SOX5: variants seen among roughly 807,000 people sequenced by gnomAD.
SOX5 encodes transcription factor SOX-5.
Under a neutral mutation model 92.0 loss-of-function variants are expected in SOX5, and 9 were observed. The observed-to-expected ratio is 0.10, with a 90% confidence interval of 0.06 to 0.17. The LOEUF is 0.17. Ranked by LOEUF, SOX5 falls within the 10% of genes least tolerant of loss-of-function variation. SOX5 has a pLI of 1.00. For missense variants in SOX5, 642 were observed against 944.5 expected (o/e 0.68, Z 4.20); for synonymous variants, 344 against 336.3 (o/e 1.02, Z -0.25).
intron 4 of SOX5, among the ~76,000 whole-genome samples, chr12:23,973,335 T>A (rs1002658116): frequency 1.3e-5 from 2 of 151,846 alleles, no homozygotes; most frequent in Non-Finnish European, 2.9e-5. Flanking sequence ...TAATTTTTTG[T>A]ATTTTTATAA....
At chr12:24,424,492 C>G (rs1324874178) in intron 1 of SOX5, among the ~76,000 whole-genome samples, 3 of 151,392 alleles carry the variant, frequency 2.0e-5, no homozygotes. Context: ...AAGCACTTTT[C>G]CCCCGCAGGC....
At chr12:23,948,871 A>G (rs1945055836) in intron 1 of SOX5, among the ~76,000 whole-genome samples, 1 of 152,200 alleles carries the variant, frequency 6.6e-6, no homozygotes, top group African/African-American at 2.4e-5. Flanking sequence ...ATCATAGCAA[A>G]AGGGGAAAAT....
chr12:24,435,733 T>G lies in SOX5; in HGVS notation c.-250-67094A>C, dbSNP rs745792769. On this transcript the variant is annotated intron_variant, in intron 1 of 4. Transcript: ENST00000446891. The stretch of plus-strand genomic sequence containing the variant: ...TATAGCTCATTTTATTGCATTTCAC[T>G]TTATTGCACTTCACAGATACTGTGG... 2.7e-4 allele frequency among the ~76,000 whole-genome samples: 41 copies of G among 152,024 alleles called. 1 individual carries two copies. Among genetic ancestry groups the G allele is most frequent in the Non-Finnish European group, 5.0e-4 (34 of 67,962 alleles).
intron 9 of SOX5, among the ~76,000 whole-genome samples, chr12:23,583,132 A>C (rs1950266870): frequency 6.6e-6 from 1 of 152,204 alleles, no homozygotes; most frequent in Non-Finnish European, 1.5e-5. Context: ...ATTAATCCAA[A>C]TAGTGCCACA....
At chr12:23,638,024 G>A (rs2079510157) in intron 8 of SOX5, 1 of 151,962 alleles carries the variant, frequency 6.6e-6, no homozygotes, top group Admixed American at 6.6e-5. Context: ...AAAGGCAGGT[G>A]TCATGTTACC....
intron 3 of SOX5, among the ~76,000 whole-genome samples, chr12:24,216,278 T>C (rs780751459): frequency 1.4e-4 from 21 of 150,118 alleles, no homozygotes; most frequent in Non-Finnish European, 2.8e-4. Flanking sequence ...GGTCAGGAGA[T>C]CAAGACCATC....
intron 4 of SOX5, among the ~76,000 whole-genome samples, chr12:23,964,907 T>G (rs896315356): frequency 1.3e-5 from 2 of 152,240 alleles, no homozygotes; most frequent in Non-Finnish European, 2.9e-5. Flanking sequence ...GTTGATGGGC[T>G]AGGCTTGCTT....
intron 3 of SOX5, among the ~76,000 whole-genome samples, chr12:23,795,086 T>C (rs1408261631): frequency 1.3e-5 from 2 of 152,144 alleles, no homozygotes; most frequent in Non-Finnish European, 1.5e-5. Context: ...AGGATTCATG[T>C]TGCAGTATCT....
intron 1 of SOX5, among the ~76,000 whole-genome samples, chr12:23,934,293 T>C (rs937745107): frequency 6.6e-6 from 1 of 151,154 alleles, no homozygotes; most frequent in Admixed American, 6.6e-5. Context: ...TTCCCAGCTA[T>C]GGTTTTAGTT....
At chr12:24,117,306 A>G (rs1948120373) in intron 4 of SOX5, among the ~76,000 whole-genome samples, 1 of 152,196 alleles carries the variant, frequency 6.6e-6, no homozygotes, top group Non-Finnish European at 1.5e-5. Context: ...TATAATACAA[A>G]TGGTAAGTGT....
At chr12:24,055,808 G>A (rs1038110411) in intron 4 of SOX5, among the ~76,000 whole-genome samples, 1 of 152,150 alleles carries the variant, frequency 6.6e-6, no homozygotes, top group African/African-American at 2.4e-5. Flanking sequence ...TGACACCTAG[G>A]AGTTACCATG....
At chr12:24,087,161 T>C (rs1232769635) in intron 4 of SOX5, among the ~76,000 whole-genome samples, 1 of 152,066 alleles carries the variant, frequency 6.6e-6, no homozygotes, top group African/African-American at 2.4e-5. Context: ...GTGTGTGTTC[T>C]CTGTCTCTCT....
chr12:23,691,457 T>C (rs1445696982), intron 6 of SOX5, among the ~76,000 whole-genome samples: 3 of 152,170 alleles, frequency 2.0e-5, no homozygotes, highest in African/African-American at 7.2e-5. Flanking sequence ...CAATCTATTC[T>C]TCAAATATCT....
chr12:23,545,377 T>G (rs1476884635), intron 12 of SOX5, among the ~76,000 whole-genome samples: 1 of 152,200 alleles, frequency 6.6e-6, no homozygotes, highest in Non-Finnish European at 1.5e-5. Flanking sequence ...CAGGGTATTG[T>G]ATAAGAAGAA....
chr12:24,117,968 C>T (rs1487410510), intron 4 of SOX5, among the ~76,000 whole-genome samples: 11 of 141,852 alleles, frequency 7.8e-5, no homozygotes, highest in Non-Finnish European at 1.3e-4. Context: ...GCAGTAAGCC[C>T]AGATGGTGCC....
chr12:23,797,843 A>C (rs547127809), intron 3 of SOX5, among the ~76,000 whole-genome samples: 5 of 152,138 alleles, frequency 3.3e-5, no homozygotes, highest in African/African-American at 1.2e-4. Flanking sequence ...CTCTCAACTT[A>C]CTACCTCCTA....
chr12:23,669,703 A>C (rs2084434886), intron 6 of SOX5, among the ~76,000 whole-genome samples: 1 of 152,158 alleles, frequency 6.6e-6, no homozygotes, highest in Non-Finnish European at 1.5e-5. Flanking sequence ...ATAGATGAAA[A>C]AATGATAAAA....
chr12:23,758,905 T>C (rs1360071726), intron 3 of SOX5, among the ~76,000 whole-genome samples: 1 of 151,902 alleles, frequency 6.6e-6, no homozygotes, highest in African/African-American at 2.4e-5. Context: ...CCTCACCAGA[T>C]GCTAGCACCT....
chr12:24,552,607 C>T (rs1953304625), intron 1 of SOX5, among the ~76,000 whole-genome samples: 1 of 152,232 alleles, frequency 6.6e-6, no homozygotes, highest in South Asian at 2.1e-4. Context: ...TCATAAAATA[C>T]TTTCCCTTAA....
Sources: gnomAD v4.1 joint callset for allele counts (sites outside exome capture counted in the v4.1 genomes callset) on GRCh38, gnomAD v4.1.1 for gene constraint, MANE v1.5 for transcripts, NCBI Gene and HGNC (gene_info 2026-07-23, HGNC 2026-07-21) for gene names.